The following DLG2 variants were observed in gnomAD, a reference collection of about 807,000 sequenced individuals.
DLG2 encodes the protein discs large MAGUK scaffold protein 2.
Under a neutral mutation model 132.5 loss-of-function variants are expected in DLG2, and 45 were observed. The ratio of observed to expected loss-of-function variants is 0.34; its 90% CI spans 0.27 to 0.44. The LOEUF (loss-of-function observed/expected upper bound fraction) is 0.44, where lower values mean the gene tolerates loss of function less well. Among genes scored for constraint, DLG2 ranks in the 20% least tolerant of loss-of-function variants. DLG2 has a pLI of 1.00. For missense variants in DLG2, 1,045 were observed against 1,196.9 expected (o/e 0.87, Z 1.87); for synonymous variants, 424 against 419.6 (o/e 1.01, Z -0.13).
At chr11:85,137,754 A>G (rs115480469) in intron 5 of DLG2, among the ~76,000 whole-genome samples, 1 of 152,246 alleles carries the variant, frequency 6.6e-6, no homozygotes, top group African/African-American at 2.4e-5. Flanking sequence ...ATCCCTGTCT[A>G]TCTGTTCCCC....
intron 4 of DLG2, among the ~76,000 whole-genome samples, chr11:85,234,068 G>A (rs1388220845): frequency 1.3e-5 from 2 of 151,832 alleles, no homozygotes; most frequent in Non-Finnish European, 2.9e-5. Context: ...TGAGGATGCA[G>A]AAATGAACCA....
At chr11:84,409,950 T>C (rs946566471) in intron 7 of DLG2, among the ~76,000 whole-genome samples, 3 of 152,170 alleles carry the variant, frequency 2.0e-5, no homozygotes, top group African/African-American at 4.8e-5. Flanking sequence ...ATTGTGACTT[T>C]TAGAACTCAT....
intron 2 of DLG2, among the ~76,000 whole-genome samples, chr11:85,620,970 C>A (rs1313140402): frequency 6.6e-6 from 1 of 152,104 alleles, no homozygotes; most frequent in Non-Finnish European, 1.5e-5. Flanking sequence ...GAAATCAATG[C>A]CTCATTTCAA....
chr11:85,418,001 G>A (rs1483990077), intron 3 of DLG2, among the ~76,000 whole-genome samples: 1 of 151,904 alleles, frequency 6.6e-6, no homozygotes, highest in Non-Finnish European at 1.5e-5. Context: ...GTTTTCTCTT[G>A]TTCTTCTATT....
intron 7 of DLG2, among the ~76,000 whole-genome samples, chr11:84,365,672 C>A (rs2098677914): frequency 6.6e-6 from 1 of 151,804 alleles, no homozygotes; most frequent in Non-Finnish European, 1.5e-5. Context: ...TCCCTCTACA[C>A]ACTGCTTTGA....
At chr11:84,500,025 G>A (rs966083270) in intron 7 of DLG2, among the ~76,000 whole-genome samples, 3 of 151,758 alleles carry the variant, frequency 2.0e-5, no homozygotes, top group Admixed American at 6.6e-5. Flanking sequence ...CTGGAGATAC[G>A]GAGATGAAAA....
intron 6 of DLG2, among the ~76,000 whole-genome samples, chr11:84,996,771 C>T (rs2057692861): frequency 6.6e-6 from 1 of 152,076 alleles, no homozygotes; most frequent in African/African-American, 2.4e-5. Flanking sequence ...CTTGGTTGTA[C>T]CTTTCAGGAT....
chr11:84,480,469 C>T (rs2099133934), intron 7 of DLG2, among the ~76,000 whole-genome samples: 1 of 151,898 alleles, frequency 6.6e-6, no homozygotes, highest in Non-Finnish European at 1.5e-5. Flanking sequence ...AGAGCTGGCC[C>T]TGTAGATAAT....
At chr11:84,361,907 T>C (rs1233268028) in intron 7 of DLG2, among the ~76,000 whole-genome samples, 1 of 151,774 alleles carries the variant, frequency 6.6e-6, no homozygotes, top group Non-Finnish European at 1.5e-5. Context: ...AAAAGAAATA[T>C]AGGTAATAAG....
intron 6 of DLG2, among the ~76,000 whole-genome samples, chr11:84,990,457 T>A (rs1167364689): frequency 1.3e-5 from 2 of 152,050 alleles, no homozygotes; most frequent in Non-Finnish European, 2.9e-5. Context: ...ATGCAGCAAA[T>A]CACCATAAAA....
chr11:83,727,862 T>G (rs1355381804), intron 18 of DLG2, among the ~76,000 whole-genome samples: 1 of 152,194 alleles, frequency 6.6e-6, no homozygotes, highest in Non-Finnish European at 1.5e-5. Context: ...AAAAGGAAGT[T>G]CTCTGTAAAG....
intron 3 of DLG2, among the ~76,000 whole-genome samples, chr11:85,396,657 C>G (rs1302328992): frequency 6.6e-6 from 1 of 151,944 alleles, no homozygotes. Context: ...CCAATTCAAT[C>G]AAGTGGAAGA....
At chr11:84,425,009 T>C (rs1391324181) in intron 7 of DLG2, among the ~76,000 whole-genome samples, 2 of 152,144 alleles carry the variant, frequency 1.3e-5, no homozygotes, top group Non-Finnish European at 2.9e-5. Flanking sequence ...TAATTGTGTA[T>C]GCTTCTTTTT....
At chr11:83,969,033 C>T (rs2090812305) in intron 12 of DLG2, among the ~76,000 whole-genome samples, 1 of 152,038 alleles carries the variant, frequency 6.6e-6, no homozygotes, top group South Asian at 2.1e-4. Flanking sequence ...TTTAGGAGTC[C>T]TATGTCACAT....
At chr11:85,621,649 G>C (rs2081711773) in intron 2 of DLG2, among the ~76,000 whole-genome samples, 1 of 152,234 alleles carries the variant, frequency 6.6e-6, no homozygotes, top group South Asian at 2.1e-4. Flanking sequence ...GAAATAGCAA[G>C]AGATCTAGAA....
chr11:84,246,982 T>C (rs1322021980), intron 8 of DLG2, among the ~76,000 whole-genome samples: 1 of 152,112 alleles, frequency 6.6e-6, no homozygotes. Flanking sequence ...AAAATCCATA[T>C]CTTTAAAATG....
intron 10 of DLG2, among the ~76,000 whole-genome samples, chr11:84,082,751 C>A (rs1191928538): frequency 2.0e-5 from 3 of 152,132 alleles, no homozygotes; most frequent in Admixed American, 1.3e-4. Flanking sequence ...TTGTCTCAGA[C>A]ACCTGTAAAT....
intron 18 of DLG2, among the ~76,000 whole-genome samples, chr11:83,633,836 T>C (rs1270860394): frequency 6.6e-6 from 1 of 151,460 alleles, no homozygotes; most frequent in Non-Finnish European, 1.5e-5. Context: ...AATATCCTAG[T>C]TGTGATAATA....
At chr11:84,304,259 G>C (rs1345784121) in intron 7 of DLG2, among the ~76,000 whole-genome samples, 1 of 152,176 alleles carries the variant, frequency 6.6e-6, no homozygotes, top group African/African-American at 2.4e-5. Context: ...CTGTGAGTTA[G>C]GCTACATTCT....
Sources: allele counts gnomAD v4.1 joint callset (sites outside exome capture counted in the v4.1 genomes callset), GRCh38; gene constraint gnomAD v4.1.1; transcripts MANE v1.5; gene names NCBI Gene and HGNC (gene_info 2026-07-23, HGNC 2026-07-21).